Variants in WWOX observed in about 807,000 individuals in gnomAD.
The protein encoded by WWOX is WW domain-containing oxidoreductase.
In WWOX, 69 loss-of-function variants were observed where a neutral mutation model predicts 46.2. The ratio of observed to expected loss-of-function variants is 1.49; its 90% confidence interval spans 1.23 to 1.82. The LOEUF (loss-of-function observed/expected upper bound fraction) is 1.82. WWOX is among the 40% of genes most tolerant of loss of function. The probability of loss-of-function intolerance (pLI) is 0.00; values close to 1 mark genes in which losing one functional copy is unlikely to be tolerated. For synonymous variants in WWOX, 359 were observed against 202.6 expected, an observed-to-expected ratio of 1.77 and a Z score of -6.56; for missense variants, 919 against 542.6, an observed-to-expected ratio of 1.69 and a Z score of -6.89.
chr16:79,012,650 A>C (rs993556941), intron 8 of WWOX, among the ~76,000 whole-genome samples: 1 of 152,228 alleles, frequency 6.6e-6, no homozygotes, highest in Non-Finnish European at 1.5e-5. Flanking sequence ...TGATTAACCA[A>C]TGAATGAGGG....
intron 5 of WWOX, among the ~76,000 whole-genome samples, chr16:78,372,275 T>C (rs1597119011): frequency 6.6e-6 from 1 of 152,306 alleles, no homozygotes; most frequent in South Asian, 2.1e-4. Context: ...TCTTTGATTC[T>C]GTGCAAATTC....
chr16:78,719,500 G>A (rs2048643679), intron 8 of WWOX, among the ~76,000 whole-genome samples: 1 of 152,218 alleles, frequency 6.6e-6, no homozygotes, highest in Non-Finnish European at 1.5e-5. Context: ...AAGGAGGAGT[G>A]TCTAGATGAA....
intron 5 of WWOX, chr16:78,241,124 C>T (rs1176859164): frequency 7.2e-5 from 11 of 152,366 alleles, no homozygotes; most frequent in Admixed American, 4.6e-4. Flanking sequence ...AGCAGTACCC[C>T]CATTGTACAG....
chr16:78,676,654 T>A (rs973707952), intron 8 of WWOX, among the ~76,000 whole-genome samples: 5 of 152,198 alleles, frequency 3.3e-5, no homozygotes, highest in African/African-American at 1.2e-4. Context: ...CATATTTGCA[T>A]ATTAAACAGC....
At chr16:78,517,598 C>G (rs376108033) in intron 8 of WWOX, among the ~76,000 whole-genome samples, 5 of 152,170 alleles carry the variant, frequency 3.3e-5, no homozygotes, top group African/African-American at 1.2e-4. Flanking sequence ...AGGGTGGAAA[C>G]TGAAGTATCC....
chr16:79,038,982 G>C (rs2047920832), intron 8 of WWOX, among the ~76,000 whole-genome samples: 1 of 151,956 alleles, frequency 6.6e-6, no homozygotes, highest in African/African-American at 2.4e-5. Flanking sequence ...TTTTTTCAAA[G>C]CTAATGTCTG....
chr16:78,902,880 G>C (rs1185979174), intron 8 of WWOX, among the ~76,000 whole-genome samples: 1 of 152,202 alleles, frequency 6.6e-6, no homozygotes, highest in Non-Finnish European at 1.5e-5. Context: ...CAAGGGAAAA[G>C]ACAGCAAGGA....
intron 8 of WWOX, among the ~76,000 whole-genome samples, chr16:78,750,067 C>T (rs2049440011): frequency 1.3e-5 from 2 of 152,128 alleles, no homozygotes; most frequent in African/African-American, 4.8e-5. Flanking sequence ...AATAAGACAG[C>T]ATATGGAAGG....
chr16:78,793,824 C>A (rs1034567564), intron 8 of WWOX, among the ~76,000 whole-genome samples: 1 of 151,792 alleles, frequency 6.6e-6, no homozygotes, highest in Non-Finnish European at 1.5e-5. Context: ...GTCTGTAATC[C>A]CAGCACGTTG....
intron 8 of WWOX, among the ~76,000 whole-genome samples, chr16:78,952,722 C>G (rs954556620): frequency 1.3e-5 from 2 of 152,116 alleles, no homozygotes; most frequent in Non-Finnish European, 1.5e-5. Flanking sequence ...TTTTTCCCAC[C>G]TGACAGTACG....
chr16:78,835,642 G>C (rs79489597), intron 8 of WWOX, among the ~76,000 whole-genome samples: 1,991 of 152,300 alleles, frequency 0.013, 49 homozygotes, highest in African/African-American at 0.044. Flanking sequence ...GTAGGAAACA[G>C]AGATGCGACG....
intron 6 of WWOX, among the ~76,000 whole-genome samples, chr16:78,401,202 A>AT (rs1397014133): frequency 6.6e-6 from 1 of 152,118 alleles, no homozygotes; most frequent in Non-Finnish European, 1.5e-5. Context: ...GATTTCAAAT[A>AT]TTTTTGCAAG....
intron 8 of WWOX, among the ~76,000 whole-genome samples, chr16:78,943,749 C>T (rs1484817040): frequency 6.6e-6 from 1 of 152,152 alleles, no homozygotes; most frequent in Non-Finnish European, 1.5e-5. Context: ...GACCATTAAG[C>T]TTCCTGCAAC....
chr16:78,784,097 T>C (rs1010553824), intron 8 of WWOX, among the ~76,000 whole-genome samples: 2 of 152,178 alleles, frequency 1.3e-5, no homozygotes, highest in African/African-American at 4.8e-5. Flanking sequence ...TACCATGCAA[T>C]GCTTATGGTT....
intron 8 of WWOX, among the ~76,000 whole-genome samples, chr16:79,131,859 G>A (rs983072702): frequency 1.3e-4 from 20 of 152,136 alleles, no homozygotes; most frequent in Non-Finnish European, 2.2e-4. Context: ...CATGGTGGAA[G>A]GCAAGGAGGA....
chr16:78,930,273 CTCTT>C (rs1267213168), intron 8 of WWOX, among the ~76,000 whole-genome samples: 3 of 51,420 alleles, frequency 5.8e-5, no homozygotes, highest in Non-Finnish European at 1.2e-4. Flanking sequence ...CTTCCTTTCT[CTCTT>C]TCTTTTTTTA....
intron 8 of WWOX, among the ~76,000 whole-genome samples, chr16:78,900,970 A>G (rs527372439): frequency 1.8e-4 from 28 of 152,304 alleles, no homozygotes; most frequent in African/African-American, 6.7e-4. Context: ...CTAGAAGGGT[A>G]CCACAGTTTC....
intron 8 of WWOX, among the ~76,000 whole-genome samples, chr16:78,822,079 A>T (rs2051513855): frequency 6.6e-6 from 1 of 152,026 alleles, no homozygotes; most frequent in Non-Finnish European, 1.5e-5. Flanking sequence ...GTCTCAGTGC[A>T]TTGGCCAGAC....
At chr16:78,859,695 C>A (rs953602793) in intron 8 of WWOX, among the ~76,000 whole-genome samples, 2 of 152,156 alleles carry the variant, frequency 1.3e-5, no homozygotes, top group Admixed American at 6.5e-5. Context: ...TCAAAAATTT[C>A]TCCATAGCCT....
Sources: gnomAD v4.1 joint callset for allele counts (sites outside exome capture counted in the v4.1 genomes callset) on GRCh38, gnomAD v4.1.1 for gene constraint, MANE v1.5 for transcripts, NCBI Gene and HGNC (gene_info 2026-07-23, HGNC 2026-07-21) for gene names.